Variants in MCCC1 observed in about 807,000 individuals in gnomAD.
MCCC1 encodes the protein methylcrotonyl-CoA carboxylase subunit 1.
Under a neutral mutation model 83.8 loss-of-function variants are expected in MCCC1, and 64 were observed. The observed-to-expected ratio is 0.76, with a 90% confidence interval of 0.62 to 0.94. The LOEUF (loss-of-function observed/expected upper bound fraction) is 0.94, where lower values mean the gene tolerates loss of function less well. Ranked by LOEUF, MCCC1 falls within the 40% of genes least tolerant of loss-of-function variation. The pLI is 0.00. For missense variants in MCCC1, 807 were observed against 904.7 expected, an observed-to-expected ratio of 0.89 and a Z score of 1.39; for synonymous variants, 322 against 315.4, an observed-to-expected ratio of 1.02 and a Z score of -0.22.
intron 14 of MCCC1, among the ~76,000 whole-genome samples, chr3:183,029,684 C>T (rs993814574): frequency 4.7e-5 from 7 of 147,478 alleles, no homozygotes; most frequent in Non-Finnish European, 1.0e-4. Context: ...ATGCTTCTGG[C>T]ATCTTATTTT....
chr3:183,085,146 G>C (rs1314991370), intron 4 of MCCC1, among the ~76,000 whole-genome samples: 2 of 152,152 alleles, frequency 1.3e-5, no homozygotes, highest in Non-Finnish European at 2.9e-5. Flanking sequence ...CTAAGGAGAA[G>C]GAATTCAGGT....
At chr3:183,067,491 T>C (rs1191818284) in intron 7 of MCCC1, among the ~76,000 whole-genome samples, 1 of 152,234 alleles carries the variant, frequency 6.6e-6, no homozygotes, top group Non-Finnish European at 1.5e-5. Flanking sequence ...TGATTTGTCT[T>C]TAGTAAAAAT....
At chr3:183,020,846 T>C (rs1384377278) in intron 16 of MCCC1, among the ~76,000 whole-genome samples, 2 of 151,992 alleles carry the variant, frequency 1.3e-5, no homozygotes, top group African/African-American at 4.8e-5. Flanking sequence ...GATCACGAGG[T>C]CAGGGGATCA....
At chr3:183,102,004 A>G (rs1719318068), upstream of MCCC1, among the ~76,000 whole-genome samples, 1 of 152,118 alleles carries the variant, frequency 6.6e-6, no homozygotes, top group Non-Finnish European at 1.5e-5. Context: ...CAGAAGGGAC[A>G]GACTCCAGAC....
At chr3:183,033,628 G>A (rs80115013) in intron 14 of MCCC1, among the ~76,000 whole-genome samples, 10,339 of 151,746 alleles carry the variant, frequency 0.068, 544 homozygotes, top group African/African-American at 0.13. Context: ...ATACATTCTC[G>A]CTGCAGAAAA....
intron 7 of MCCC1, among the ~76,000 whole-genome samples, chr3:183,059,299 A>C (rs1419847281): frequency 6.6e-6 from 1 of 152,146 alleles, no homozygotes; most frequent in Non-Finnish European, 1.5e-5. Context: ...ACAGAGTGAA[A>C]CTCCGTCTCA....
intron 12 of MCCC1, among the ~76,000 whole-genome samples, chr3:183,038,571 C>T (rs913435901): frequency 9.9e-5 from 15 of 152,134 alleles, no homozygotes; most frequent in African/African-American, 3.4e-4. Flanking sequence ...AAATAACAAA[C>T]TCTATTAAAG....
intron 13 of MCCC1, among the ~76,000 whole-genome samples, chr3:183,035,078 C>T (rs1713457248): frequency 6.6e-6 from 1 of 152,160 alleles, no homozygotes; most frequent in Non-Finnish European, 1.5e-5. Context: ...CGCGCCTGGC[C>T]CCTTATAGGC....
chr3:183,103,487 G>A (rs11711441), upstream of MCCC1, among the ~76,000 whole-genome samples: 18,254 of 151,898 alleles, frequency 0.12, 1,219 homozygotes, highest in East Asian at 0.2. Flanking sequence ...AGCTAGATAC[G>A]GAGTATCCAC....
chr3:183,017,337 C>A lies in MCCC1; in HGVS notation c.1978G>T (p.Val660Leu). The change falls in exon 18 of 19, where the codon GTG becomes TTG. Residue 660 changes from valine to leucine, a missense_variant and splice_region_variant. Val to Leu is a conservative substitution (Grantham distance 32). Transcript: ENST00000265594. Reference sequence around the variant, plus strand: ...ACTTTGTCTCCAGCTTTGACAAACACCTTGAGATTCAGTGTGACAGGTTAA... The same window carrying A: ...ACTTTGTCTCCAGCTTTGACAAACAACTTGAGATTCAGTGTGACAGGTTAA... ...LAPMTGTIEK[V>L]FVKAGDKVKA... 6.8e-6 allele frequency: 11 copies of A among 1,613,692 alleles called. No individual in the cohort carries two copies. The highest frequency in any genetic ancestry group is 1.1e-5 in the South Asian group (1 of 91,088).
intron 18 of MCCC1, 67 bp from the exon 19 acceptor site, chr3:183,015,633 C>A: frequency 6.3e-7 from 1 of 1,599,154 alleles, no homozygotes; most frequent in South Asian, 1.1e-5. Context: ...TACACCAAGT[C>A]AAGAAAGGGA....
chr3:183,044,906 T>TTTGTAG (rs1714415917), intron 10 of MCCC1, among the ~76,000 whole-genome samples: 1 of 150,632 alleles, frequency 6.6e-6, no homozygotes, highest in Non-Finnish European at 1.5e-5. Flanking sequence ...TCAAGACTGT[T>TTTGTAG]TTGTTGTTGT....
chr3:183,037,469 TG>T, intron 12 of MCCC1, 35 bp from the exon 13 acceptor site: 1 of 1,523,004 alleles, frequency 6.6e-7, no homozygotes, highest in Non-Finnish European at 9.1e-7. Flanking sequence ...TCCTGCTGAG[TG>T]GGGAAAACAA....
chr3:183,034,177 A>G lies in MCCC1; in HGVS notation c.1595-100T>C, dbSNP rs7629760. On this transcript the variant is annotated intron_variant, in intron 13 of 18. Coordinates refer to ENST00000265594, the MANE Select transcript of MCCC1 (RefSeq NM_020166.5). The stretch of plus-strand genomic sequence containing the variant: ...CATAAAATGCAAGTGCTGGCCGGGC[A>G]CAGTGGCTCATGCCTGTAATCCCAG... 5,759 of 843,822 alleles carry G rather than the reference A, an allele frequency of 6.8e-3. 214 individuals carry two copies. The African/African-American group carries it at 0.084, about 12-fold the overall frequency. 52.3% of individuals were successfully genotyped at this position (843,822 alleles called of 1,614,324 possible). A position where few individuals can be genotyped will look rare whatever the true frequency, so the allele number is the denominator to read the frequency against.
At chr3:183,058,537 C>T (rs564583555) in intron 7 of MCCC1, among the ~76,000 whole-genome samples, 2 of 152,168 alleles carry the variant, frequency 1.3e-5, no homozygotes, top group South Asian at 4.2e-4. Context: ...CAGGAGGATT[C>T]CTCAAGCCCA....
intron 1 of MCCC1, among the ~76,000 whole-genome samples, chr3:183,097,764 A>C (rs2108574941): frequency 6.6e-6 from 1 of 152,302 alleles, no homozygotes; most frequent in Non-Finnish European, 1.5e-5. Flanking sequence ...GACATACTTG[A>C]GGATAGTTCT....
At chr3:183,072,803 C>A (rs1449872265) in intron 4 of MCCC1, among the ~76,000 whole-genome samples, 1 of 152,190 alleles carries the variant, frequency 6.6e-6, no homozygotes, top group Non-Finnish European at 1.5e-5. Context: ...CTGTCATCAC[C>A]ATCCATCCTC....
intron 1 of MCCC1, among the ~76,000 whole-genome samples, chr3:183,112,707 A>G (rs942828405): frequency 6.6e-6 from 1 of 152,140 alleles, no homozygotes; most frequent in Admixed American, 6.6e-5. Context: ...ATATTTCAGC[A>G]TGTATACCAG....
intron 9 of MCCC1, among the ~76,000 whole-genome samples, chr3:183,051,544 A>G (rs1714977864): frequency 6.6e-6 from 1 of 152,298 alleles, no homozygotes; most frequent in South Asian, 2.1e-4. Context: ...CAGAGCACAG[A>G]GGATATTTAG....
Sources: allele counts gnomAD v4.1 joint callset (sites outside exome capture counted in the v4.1 genomes callset), GRCh38; gene constraint gnomAD v4.1.1; transcripts MANE v1.5; gene names NCBI Gene and HGNC (gene_info 2026-07-23, HGNC 2026-07-21).